Variants in CPED1 observed in about 807,000 individuals in gnomAD.
CPED1 encodes cadherin-like and PC-esterase domain-containing protein 1.
A neutral mutation model predicts 128.2 loss-of-function variants in CPED1; 114 were observed. The observed-to-expected ratio is 0.89, with a 90% confidence interval of 0.76 to 1.04. CPED1 has a LOEUF of 1.04. Among genes scored for constraint, CPED1 ranks in the 50% least tolerant of loss-of-function variants. The probability of loss-of-function intolerance (pLI) is 0.00; values close to 1 mark genes in which losing one functional copy is unlikely to be tolerated. For missense variants in CPED1, 1,211 were observed against 1,207.1 expected (o/e 1.00, Z -0.05); for synonymous variants, 462 against 426.7 (o/e 1.08, Z -1.02).
chr7:121,259,579 C>T (rs1351265608), intron 18 of CPED1, among the ~76,000 whole-genome samples: 1 of 151,930 alleles, frequency 6.6e-6, no homozygotes, highest in Non-Finnish European at 1.5e-5. Flanking sequence ...TAGATACCTA[C>T]CTCTTTATAA....
chr7:121,207,152 A>G (rs117109838), intron 16 of CPED1, among the ~76,000 whole-genome samples: 2,029 of 152,078 alleles, frequency 0.013, 29 homozygotes, highest in Non-Finnish European at 0.021. Context: ...TAGTCAGTTG[A>G]CATACATTCA....
chr7:121,031,675 CATT>C (rs1205568511), intron 3 of CPED1, among the ~76,000 whole-genome samples: 1 of 152,154 alleles, frequency 6.6e-6, no homozygotes, highest in African/African-American at 2.4e-5. Context: ...CAGTATTAGA[CATT>C]ATCACATGTC....
chr7:121,141,543 G>A (rs539637152), intron 15 of CPED1, among the ~76,000 whole-genome samples: 3 of 152,046 alleles, frequency 2.0e-5, no homozygotes, highest in East Asian at 1.9e-4. Context: ...TGGAACCCTC[G>A]GGAGCCACGT....
chr7:121,272,477 C>CCT (rs1339226081), intron 22 of CPED1, among the ~76,000 whole-genome samples: 1 of 151,966 alleles, frequency 6.6e-6, no homozygotes, highest in Non-Finnish European at 1.5e-5. Flanking sequence ...GGCGGTAATA[C>CCT]CTCTCCTCCA....
At chr7:121,189,036 A>G (rs1431300329) in intron 16 of CPED1, among the ~76,000 whole-genome samples, 1 of 152,174 alleles carries the variant, frequency 6.6e-6, no homozygotes, top group Non-Finnish European at 1.5e-5. Context: ...GAAGCTGCTA[A>G]CTAGCAGAGT....
chr7:121,103,794 A>G (rs1216645882), intron 7 of CPED1, among the ~76,000 whole-genome samples: 1 of 152,142 alleles, frequency 6.6e-6, no homozygotes, highest in Non-Finnish European at 1.5e-5. Flanking sequence ...TAAACTAGTT[A>G]TCAGTGAACA....
intron 16 of CPED1, among the ~76,000 whole-genome samples, chr7:121,193,390 C>A (rs1185163754): frequency 6.6e-6 from 1 of 152,042 alleles, no homozygotes; most frequent in African/African-American, 2.4e-5. Flanking sequence ...AAAAATAAAC[C>A]ATTTATAGTA....
intron 22 of CPED1, among the ~76,000 whole-genome samples, chr7:121,294,073 C>G (rs1792770452): frequency 6.6e-6 from 1 of 152,096 alleles, no homozygotes; most frequent in Non-Finnish European, 1.5e-5. Flanking sequence ...CCCAATCTCT[C>G]TCGGTCCTCC....
rs753823563 is a variant in CPED1 at position 121,155,508 on chromosome 7, A to T, written c.2055+13367A>T. ...AACATCATAGTACTGGCATAAAAAC[A>T]TATGTGTAGACCAATGGAGCAGAAT... is the stretch of plus-strand genomic sequence containing the variant. On this transcript the variant is annotated intron_variant, in intron 16 of 22. Transcript: ENST00000310396. Among the ~76,000 whole-genome samples the T allele has an allele frequency of 3.3e-5, 5 of 152,332 alleles. No homozygotes were observed. In the East Asian group the frequency reaches 9.6e-4, roughly 29 times the overall value.
intron 7 of CPED1, among the ~76,000 whole-genome samples, chr7:121,107,542 G>T (rs1207773369): frequency 1.3e-5 from 2 of 152,086 alleles, no homozygotes; most frequent in African/African-American, 4.8e-5. Context: ...TCATCAAATT[G>T]CTGAAAAGAA....
chr7:121,179,940 G>C (rs1230692732), intron 16 of CPED1, among the ~76,000 whole-genome samples: 3 of 152,036 alleles, frequency 2.0e-5, no homozygotes, highest in Non-Finnish European at 4.4e-5. Context: ...AACAATGATT[G>C]CACTGTGTTC....
At chr7:121,243,147 T>G (rs1798442124) in intron 17 of CPED1, among the ~76,000 whole-genome samples, 1 of 152,134 alleles carries the variant, frequency 6.6e-6, no homozygotes, top group African/African-American at 2.4e-5. Flanking sequence ...GGGTGATATT[T>G]AGCTCCTCAG....
chr7:121,037,910 G>C (rs1000623222), intron 3 of CPED1, among the ~76,000 whole-genome samples: 1 of 152,066 alleles, frequency 6.6e-6, no homozygotes, highest in African/African-American at 2.4e-5. Context: ...TTTTGAAAGG[G>C]GTTGAGTTCT....
In CPED1 at chr7:121,031,615, A is replaced by G. The variant is rs555742963; in HGVS notation, c.434-15272A>G. On this transcript the variant is annotated intron_variant, in intron 3 of 22. Transcript: ENST00000310396. ...TCTCTGCCAATTTCTCTACAAAAAG[A>G]TGGTTTCTGTTTTTGCTTCCACCAA... 2.0e-5 allele frequency among the ~76,000 whole-genome samples: 3 copies of G among 152,250 alleles called. No homozygotes were observed. In the East Asian group the frequency reaches 5.8e-4, roughly 29 times the overall value.
rs1774447921 is a variant in CPED1, at chr7:120,991,370, T to C, written c.249+1500T>C. Among the ~76,000 whole-genome samples, 4 of 152,350 alleles carry C rather than the reference T, an allele frequency of 2.6e-5. No individual in the cohort carries two copies. In the South Asian group the frequency reaches 8.3e-4, roughly 32 times the overall value. On this transcript the variant is annotated intron_variant, in intron 2 of 22. Coordinates refer to ENST00000310396, the MANE Select transcript of CPED1 (RefSeq NM_024913.5). ...TGTATTTTTGTTGTTGTTGTTCATT[T>C]ATACTAGCATTAACTTTTTTCTTTT...
intron 16 of CPED1, among the ~76,000 whole-genome samples, chr7:121,178,233 A>G (rs1310807653): frequency 6.6e-6 from 1 of 152,074 alleles, no homozygotes; most frequent in Admixed American, 6.6e-5. Context: ...CAGAGACAAC[A>G]CCACTGAATG....
chr7:121,025,630 C>G (rs1659474853), intron 3 of CPED1, among the ~76,000 whole-genome samples: 1 of 152,094 alleles, frequency 6.6e-6, no homozygotes, highest in Non-Finnish European at 1.5e-5. Context: ...CCCTCTTAAC[C>G]TCCTGAATGA....
At chr7:121,290,516 G>A (rs1044669144) in intron 22 of CPED1, among the ~76,000 whole-genome samples, 2 of 152,148 alleles carry the variant, frequency 1.3e-5, no homozygotes, top group African/African-American at 4.8e-5. Context: ...GCATGAGATG[G>A]TATCTCATTG....
intron 7 of CPED1, among the ~76,000 whole-genome samples, chr7:121,120,995 A>C (rs1002628994): frequency 2.7e-5 from 4 of 150,192 alleles, no homozygotes; most frequent in African/African-American, 4.9e-5. Flanking sequence ...AAACAAAAAA[A>C]CTCACAGTCT....
Sources: allele counts gnomAD v4.1 joint callset (sites outside exome capture counted in the v4.1 genomes callset), GRCh38; gene constraint gnomAD v4.1.1; transcripts MANE v1.5; gene names NCBI Gene and HGNC (gene_info 2026-07-23, HGNC 2026-07-21).